The following RBKS variants were observed in gnomAD, a reference collection of about 807,000 sequenced individuals.
The protein encoded by RBKS is ribokinase.
In RBKS, 33 loss-of-function variants were observed where a neutral mutation model predicts 33.9. The ratio of observed to expected loss-of-function variants is 0.97; its 90% CI spans 0.74 to 1.30. The LOEUF is 1.30. Ranked by LOEUF, RBKS falls within the 50% of genes most tolerant of loss-of-function variation. RBKS has a pLI of 0.00. For synonymous variants in RBKS, 125 were observed against 143.0 expected (o/e 0.87, Z 0.90); for missense variants, 361 against 392.6 (o/e 0.92, Z 0.68).
chr2:27,853,555 G>A (rs561459966), intron 2 of RBKS, among the ~76,000 whole-genome samples: 2 of 152,026 alleles, frequency 1.3e-5, no homozygotes, highest in African/African-American at 4.8e-5. Context: ...TACTTGGGAG[G>A]CTGAGGCAGG....
In RBKS at chr2:27,853,058, G is replaced by T. The variant is rs1385665381; in HGVS notation, c.223-4961C>A. 2.6e-5 allele frequency among the ~76,000 whole-genome samples: 4 copies of T among 152,162 alleles called. No individual in the cohort carries two copies. In the East Asian group the frequency reaches 5.8e-4, roughly 22 times the overall value. ...CTGGTTGTTTAAATCCTAGATAAAG[G>T]GGTGTTTACCTTAATAATGGCCTTT... On this transcript the variant is annotated intron_variant, in intron 2 of 7. Coordinates refer to ENST00000302188, the MANE Select transcript of RBKS (RefSeq NM_022128.3).
chr2:27,802,389 T>G (rs1677813979), intron 7 of RBKS, among the ~76,000 whole-genome samples: 1 of 151,858 alleles, frequency 6.6e-6, no homozygotes, highest in Non-Finnish European at 1.5e-5. Flanking sequence ...TACGGTTGGT[T>G]TATCTGAATG....
chr2:27,864,967 TG>T (rs1412595981), intron 1 of RBKS, among the ~76,000 whole-genome samples: 1 of 152,166 alleles, frequency 6.6e-6, no homozygotes, highest in African/African-American at 2.4e-5. Flanking sequence ...CAAATTATCT[TG>T]GGGAGAAGTC....
chr2:27,880,565 A>G lies in RBKS; in HGVS notation c.89+9692T>C, dbSNP rs183838907. ...CTTAAGCTGATAAACAACTTCAGCA[A>G]AGTCTCAGGATACAAAATCAAGATA... On this transcript the variant is annotated intron_variant, in intron 1 of 7. Transcript: ENST00000302188. Among the ~76,000 whole-genome samples the G allele has an allele frequency of 2.5e-3, 386 of 152,356 alleles. 1 individual carries two copies. The highest frequency in any genetic ancestry group is 8.8e-3 in the African/African-American group (365 of 41,594).
rs1355687839 is a variant in RBKS at position 27,858,431 on chromosome 2, G to A, written c.222+8C>T. On this transcript the variant is annotated splice_region_variant and intron_variant, in intron 2 of 7. Coordinates refer to ENST00000302188, the MANE Select transcript of RBKS (RefSeq NM_022128.3). ...TCTAGAGTCCTCTCCACTATACTTT[G>A]TACTTACCTTACACACCATGGACGT... 2 of 1,609,166 alleles carry A rather than the reference G, an allele frequency of 1.2e-6. No homozygotes were observed. Among genetic ancestry groups the A allele is most frequent in the East Asian group, 2.2e-5 (1 of 44,848 alleles).
At chr2:27,863,799 A>G (rs1205850773) in intron 1 of RBKS, among the ~76,000 whole-genome samples, 1 of 152,234 alleles carries the variant, frequency 6.6e-6, no homozygotes, top group Non-Finnish European at 1.5e-5. Context: ...GTATTCTTCA[A>G]CCATATTTAT....
intron 7 of RBKS, among the ~76,000 whole-genome samples, chr2:27,811,385 G>A (rs557268352): frequency 2.6e-5 from 4 of 152,342 alleles, no homozygotes; most frequent in African/African-American, 9.6e-5. Context: ...AGAGTGTGCT[G>A]AATAAGAAAG....
chr2:27,839,113 C>T (rs775129565), intron 5 of RBKS, among the ~76,000 whole-genome samples: 2 of 152,148 alleles, frequency 1.3e-5, no homozygotes, highest in South Asian at 2.1e-4. Context: ...CTGTCCATTA[C>T]TCTAGAGGCT....
At chr2:27,822,583 C>A (rs777235945) in intron 7 of RBKS, among the ~76,000 whole-genome samples, 1 of 152,194 alleles carries the variant, frequency 6.6e-6, no homozygotes, top group Non-Finnish European at 1.5e-5. Context: ...AAAGTGCTTC[C>A]GTGCAAACTT....
intron 1 of RBKS, among the ~76,000 whole-genome samples, chr2:27,866,297 T>C (rs1573073024): frequency 6.6e-6 from 1 of 152,238 alleles, no homozygotes; most frequent in Non-Finnish European, 1.5e-5. Flanking sequence ...TGTTCCTCTA[T>C]ATGTAATGTG....
At chr2:27,787,203 C>T (rs139705259) in intron 7 of RBKS, among the ~76,000 whole-genome samples, 47 of 152,218 alleles carry the variant, frequency 3.1e-4, no homozygotes, top group Admixed American at 2.8e-3. Flanking sequence ...CGGCGGCTCA[C>T]GTCTGTAATC....
intron 5 of RBKS, among the ~76,000 whole-genome samples, chr2:27,834,708 A>C (rs1182370893): frequency 5.3e-5 from 8 of 152,232 alleles, no homozygotes; most frequent in African/African-American, 1.9e-4. Context: ...CATTAAATGG[A>C]AACAACTGCT....
intron 1 of RBKS, among the ~76,000 whole-genome samples, chr2:27,884,933 C>G (rs1003152061): frequency 1.1e-4 from 17 of 152,142 alleles, no homozygotes; most frequent in African/African-American, 3.4e-4. Context: ...AGGTCAGACC[C>G]TCAGTGATCT....
intron 6 of RBKS, among the ~76,000 whole-genome samples, chr2:27,831,799 C>T (rs1678420399): frequency 6.6e-6 from 1 of 152,102 alleles, no homozygotes; most frequent in Non-Finnish European, 1.5e-5. Flanking sequence ...GTGGTGGTCC[C>T]AGCTACTTGG....
intron 1 of RBKS, chr2:27,870,807 A>G (rs1664193664): frequency 2.1e-6 from 1 of 465,912 alleles, no homozygotes. Context: ...CTGACATGTA[A>G]TCACGCAAAG....
At chr2:27,872,627 G>A (rs1664238146) in intron 1 of RBKS, among the ~76,000 whole-genome samples, 1 of 152,146 alleles carries the variant, frequency 6.6e-6, no homozygotes, top group African/African-American at 2.4e-5. Flanking sequence ...AAACTCGGCA[G>A]GAAAATGTAA....
At chr2:27,873,913 C>G (rs1456338932) in intron 1 of RBKS, among the ~76,000 whole-genome samples, 1 of 151,954 alleles carries the variant, frequency 6.6e-6, no homozygotes, top group Non-Finnish European at 1.5e-5. Flanking sequence ...TTAGAAAACA[C>G]ATCAACCATA....
intron 7 of RBKS, among the ~76,000 whole-genome samples, chr2:27,822,398 G>A (rs1418940309): frequency 6.6e-6 from 1 of 152,162 alleles, no homozygotes; most frequent in Non-Finnish European, 1.5e-5. Flanking sequence ...TCAGATGCTA[G>A]GTTTTCAAAG....
In RBKS at chr2:27,840,012, CTCT is replaced by C. The variant is rs1212349283; in HGVS notation, c.514+3052_514+3054del. 4.4e-4 allele frequency among the ~76,000 whole-genome samples: 66 copies of C among 150,788 alleles called. 1 individual carries two copies. Among genetic ancestry groups the C allele is most frequent in the East Asian group, 3.1e-3 (16 of 5,134 alleles). On this transcript the variant is annotated intron_variant, in intron 5 of 7. Coordinates refer to ENST00000302188, the MANE Select transcript of RBKS (RefSeq NM_022128.3). Reference sequence around the variant, plus strand: ...CCAATGGTCTCCTTTCATTATACCACTCTTCTTCTTTTTTTTTTTTTTTTTGAG... The same window carrying C: ...CCAATGGTCTCCTTTCATTATACCACTCTTCTTTTTTTTTTTTTTTTTGAG...
Sources: gnomAD v4.1 joint callset for allele counts (sites outside exome capture counted in the v4.1 genomes callset) on GRCh38, gnomAD v4.1.1 for gene constraint, MANE v1.5 for transcripts, NCBI Gene and HGNC (gene_info 2026-07-23, HGNC 2026-07-21) for gene names.